Variants in LRWD1 observed in about 807,000 individuals in gnomAD.
LRWD1 encodes the protein leucine-rich repeat and WD repeat-containing protein 1.
A neutral mutation model predicts 75.6 loss-of-function variants in LRWD1; 76 were observed. That is an observed-to-expected ratio of 1.01 (90% CI 0.84 to 1.22). The LOEUF is 1.22. LRWD1 is among the 50% of genes most tolerant of loss of function. LRWD1 has a pLI of 0.00. For synonymous variants in LRWD1, 487 were observed against 377.0 expected, an observed-to-expected ratio of 1.29 and a Z score of -3.38; for missense variants, 917 against 862.0, an observed-to-expected ratio of 1.06 and a Z score of -0.80.
At chr7:102,470,083 G>C (rs1798140905) in intron 11 of LRWD1, 6 of 658,628 alleles carry the variant, frequency 9.1e-6, no homozygotes, top group Non-Finnish European at 1.4e-5. Context: ...CCTGGGTTCA[G>C]CTGTGGGACT....
chr7:102,465,719 A>G, intron 1 of LRWD1, 98 bp from the exon 2 acceptor site: 1 of 844,812 alleles, frequency 1.2e-6, no homozygotes, highest in African/African-American at 1.7e-5. Context: ...CACTTGTACG[A>G]GAAATGTCAG....
chr7:102,467,174 G>A lies in LRWD1; in HGVS notation c.433-165G>A, dbSNP rs1198382601. On this transcript the variant is annotated intron_variant, in intron 3 of 14. Transcript: ENST00000292616. The stretch of plus-strand genomic sequence containing the variant: ...GTTGTTGCTGGGGTGTGTGTGGGGT[G>A]TGTGTGTGTGTGTGTGTGTGTGTGT... 7.5e-5 allele frequency among the ~76,000 whole-genome samples: 6 copies of A among 80,074 alleles called. No homozygotes were observed. In the South Asian group the frequency reaches 1.4e-3, roughly 18 times the overall value. 52.5% of individuals were successfully genotyped at this position (80,074 alleles called of 152,430 possible). A position where few individuals can be genotyped will look rare whatever the true frequency, so the allele number is the denominator to read the frequency against.
rs1280912134 is a variant in LRWD1, at chr7:102,473,125, G to GTCTT, written c.*79_*82dup. On this transcript the variant is annotated 3_prime_UTR_variant, in exon 15 of 15. Transcript: ENST00000292616. ...TTTGGGCCGATGGGGGTGGGGGGGG[G>GTCTT]TCTTTCAGTGAATATTTTTATTAAA... is the stretch of plus-strand genomic sequence containing the variant. 5 of 1,201,550 alleles carry GTCTT rather than the reference G, an allele frequency of 4.2e-6. No homozygotes were observed. The African/African-American group carries it at 7.8e-5, about 19-fold the overall frequency. 74.4% of individuals were successfully genotyped at this position (1,201,550 alleles called of 1,614,324 possible). A position where few individuals can be genotyped will look rare whatever the true frequency, so the allele number is the denominator to read the frequency against.
At chr7:102,469,449 T>C (rs1156312763) in intron 9 of LRWD1, 125 bp from the exon 10 acceptor site, 1 of 1,090,378 alleles carries the variant, frequency 9.2e-7, no homozygotes, top group Non-Finnish European at 1.4e-6. Context: ...TCTCCTAGCC[T>C]CGGCCCGCCC....
chr7:102,469,964 G>A, intron 11 of LRWD1, 82 bp downstream of exon 11: 1 of 1,414,364 alleles, frequency 7.1e-7, no homozygotes, highest in Non-Finnish European at 9.2e-7. Flanking sequence ...CAGCAGCCTG[G>A]GCACACCCGG....
Position 102,472,201 on chromosome 7 carries a change from C to T in LRWD1, c.1443-17C>T, listed in dbSNP as rs763864265. 2.9e-5 allele frequency: 45 copies of T among 1,575,768 alleles called. No individual in the cohort carries two copies. Among genetic ancestry groups the T allele is most frequent in the Non-Finnish European group, 3.8e-5 (44 of 1,158,574 alleles). The stretch of plus-strand genomic sequence containing the variant: ...TCTGCAAGGAATGGCCAACTAGCAT[C>T]TCGTGCTGCCCCACAGGGTGTGTGA... On this transcript the variant is annotated splice_polypyrimidine_tract_variant and intron_variant, in intron 11 of 14. Transcript: ENST00000292616.
rs1797957099 is a variant in LRWD1, at chr7:102,465,812, T to G, written c.81-5T>G. ...GCCCCCTAAGCCTTCTGCCCCCAAC[T>G]CCAGCCTGTCAGGATTGGAGCTGCT... On this transcript the variant is annotated splice_region_variant and splice_polypyrimidine_tract_variant and intron_variant, in intron 1 of 14. Transcript: ENST00000292616. 1.2e-6 allele frequency: 2 copies of G among 1,612,002 alleles called. No homozygotes were observed. The highest frequency in any genetic ancestry group is 1.7e-5 in the Admixed American group (1 of 59,960).
intron 11 of LRWD1, chr7:102,471,964 C>T (rs1798205242): frequency 6.2e-6 from 3 of 480,396 alleles, no homozygotes; most frequent in Middle Eastern, 1.2e-3. Flanking sequence ...AACCCCCTGG[C>T]CTAGCCCCGT....
chr7:102,472,370 C>T lies in LRWD1; in HGVS notation c.1534+61C>T, dbSNP rs532636753. 3,840 of 1,551,824 alleles carry T rather than the reference C, an allele frequency of 2.5e-3. 10 individuals carry two copies. The highest frequency in any genetic ancestry group is 3.2e-3 in the Non-Finnish European group (3,633 of 1,146,998). ...CGGGCACACAGATGGACCGCTTGTC[C>T]CTGGGCTAGGCTTCTGAGGATCTCT... On this transcript the variant is annotated intron_variant, in intron 12 of 14. Coordinates refer to ENST00000292616, the MANE Select transcript of LRWD1 (RefSeq NM_152892.3).
At chr7:102,465,685 AC>A in intron 1 of LRWD1, 131 bp from the exon 2 acceptor site, 1 of 666,430 alleles carries the variant, frequency 1.5e-6, no homozygotes, top group Non-Finnish European at 2.6e-6. Context: ...AAATAAAGTA[AC>A]GGGGGGATGG....
chr7:102,467,171 G>GTATGTGTGT (rs1554579596), intron 3 of LRWD1, among the ~76,000 whole-genome samples, 168 bp from the exon 4 acceptor site: 1 of 99,116 alleles, frequency 1.0e-5, no homozygotes, highest in African/African-American at 4.4e-5. Context: ...GTGTGTGTGG[G>GTATGTGTGT]GTGTGTGTGT....
Position 102,469,073 on chromosome 7 carries a change from C to T in LRWD1, c.1228+11C>T. On this transcript the variant is annotated intron_variant, in intron 9 of 14. Transcript: ENST00000292616. ...AGACCCATCTCTTCAGTAAGCCCCTCCCCTTCACCCCTGGGACCCCCAAGC... is the reference window on the plus strand; with the variant it reads ...AGACCCATCTCTTCAGTAAGCCCCTTCCCTTCACCCCTGGGACCCCCAAGC... 6.3e-7 allele frequency: 1 copy of T among 1,581,828 alleles called. No homozygotes were observed. Among genetic ancestry groups the T allele is most frequent in the South Asian group, 1.1e-5 (1 of 87,856 alleles).
At position 102,472,790 on chromosome 7, in the gene LRWD1, C is replaced by T; in HGVS notation, c.1789C>T (p.Gln597Ter). 1 of 1,613,400 alleles carries T rather than the reference C, an allele frequency of 6.2e-7. No homozygotes were observed. Among genetic ancestry groups the T allele is most frequent in the Non-Finnish European group, 8.5e-7 (1 of 1,179,920 alleles). The change falls in exon 14 of 15, where the codon CAG becomes TAG. Residue 597 changes from glutamine to a stop codon, truncating the protein, a stop_gained. Coordinates refer to ENST00000292616, the MANE Select transcript of LRWD1 (RefSeq NM_152892.3). LOFTEE classifies it high-confidence loss of function. ...KQPPLLPAAL[Q>*]APTQILKWPQ... ...GCCACCCCTGCTGCCGGCAGCCCTG[C>T]AGGCCCCCACACAGGTACTGCCCGG...
intron 11 of LRWD1, chr7:102,471,016 C>G (rs955462984): frequency 6.6e-6 from 1 of 151,938 alleles, no homozygotes; most frequent in Non-Finnish European, 1.5e-5. Flanking sequence ...GCAATTTCCA[C>G]CCCCCCACCG....
Position 102,469,004 on chromosome 7 carries a change from C to A in LRWD1, c.1170C>A (p.Ala390=). 6.2e-7 allele frequency: 1 copy of A among 1,612,904 alleles called. No homozygotes were observed. The change falls in exon 9 of 15, where the codon GCC becomes GCA. Residue 390 remains alanine (A), a synonymous_variant. Coordinates refer to ENST00000292616, the MANE Select transcript of LRWD1 (RefSeq NM_152892.3). Reference sequence around the variant, plus strand: ...GCTTCTGCTGCGGGGTCATCCGAGCCCACAAGAAGGCCATCGCCACCCTGT... The same window carrying A: ...GCTTCTGCTGCGGGGTCATCCGAGCACACAAGAAGGCCATCGCCACCCTGT... The part of the protein sequence containing the change: ...RAGFCCGVIR[A]HKKAIATLCF...
chr7:102,470,139 G>A lies in LRWD1; in HGVS notation c.1442+257G>A, dbSNP rs371436674. On this transcript the variant is annotated intron_variant, in intron 11 of 14. Transcript: ENST00000292616. ...TCACCTGGGGCTTCAGCACCATGCT[G>A]TGCCCACGTGATCCAGCCCACTCCT... 4.1e-5 allele frequency: 19 copies of A among 467,894 alleles called. No homozygotes were observed. The East Asian group carries it at 4.9e-4, about 12-fold the overall frequency. The allele number at this position is 467,894 out of a possible 1,614,324, so 29.0% of individuals were successfully genotyped here.
chr7:102,470,077 G>A, intron 11 of LRWD1, 195 bp downstream of exon 11: 1 of 695,690 alleles, frequency 1.4e-6, no homozygotes, highest in Non-Finnish European at 2.2e-6. Context: ...TCTCACCCTG[G>A]GTTCAGCTGT....
intron 13 of LRWD1, 32 bp downstream of exon 13, chr7:102,472,641 C>T (rs754949398): frequency 1.1e-4 from 175 of 1,610,176 alleles, no homozygotes; most frequent in Non-Finnish European, 1.5e-4. Flanking sequence ...CCCCATCCCG[C>T]GGGCTTCCGG....
At chr7:102,467,957 C>T in intron 5 of LRWD1, 105 bp from the exon 6 acceptor site, 2 of 1,516,890 alleles carry the variant, frequency 1.3e-6, no homozygotes, top group Admixed American at 2.1e-5. Flanking sequence ...TGACCCCGGG[C>T]CAGCCTGGGC....
Sources: gnomAD v4.1 joint callset for allele counts (sites outside exome capture counted in the v4.1 genomes callset) on GRCh38, gnomAD v4.1.1 for gene constraint, MANE v1.5 for transcripts, NCBI Gene and HGNC (gene_info 2026-07-23, HGNC 2026-07-21) for gene names.